LINGO2: variants seen among roughly 807,000 people sequenced by gnomAD.
The protein encoded by LINGO2 is leucine rich repeat and Ig domain containing 2, also known as leucine-rich repeat and immunoglobulin-like domain-containing nogo receptor-interacting protein 2.
In LINGO2, 14 loss-of-function variants were observed where a neutral mutation model predicts 30.6. The observed-to-expected ratio is 0.46, with a 90% CI of 0.30 to 0.72. The LOEUF (loss-of-function observed/expected upper bound fraction) is 0.72, where lower values mean the gene tolerates loss of function less well. Among genes scored for constraint, LINGO2 ranks in the 30% least tolerant of loss-of-function variants. The probability of loss-of-function intolerance (pLI) is 0.07; values close to 1 mark genes in which losing one functional copy is unlikely to be tolerated. For synonymous variants in LINGO2, 317 were observed against 288.5 expected, an observed-to-expected ratio of 1.10 and a Z score of -1.00; for missense variants, 729 against 751.7, an observed-to-expected ratio of 0.97 and a Z score of 0.35.
intron 4 of LINGO2, among the ~76,000 whole-genome samples, chr9:28,190,582 T>C (rs1587182963): frequency 6.6e-6 from 1 of 152,188 alleles, no homozygotes; most frequent in Non-Finnish European, 1.5e-5. Flanking sequence ...AGGACAGTCA[T>C]CTATGAATCA....
At chr9:28,323,038 C>T (rs1477204297) in intron 3 of LINGO2, among the ~76,000 whole-genome samples, 1 of 152,106 alleles carries the variant, frequency 6.6e-6, no homozygotes, top group African/African-American at 2.4e-5. Flanking sequence ...GGGAGTTAAC[C>T]TGGAATCACA....
At chr9:28,590,638 C>A (rs1327559510) in intron 1 of LINGO2, among the ~76,000 whole-genome samples, 1 of 151,564 alleles carries the variant, frequency 6.6e-6, no homozygotes, top group Non-Finnish European at 1.5e-5. Flanking sequence ...GAATGGCGAT[C>A]ATTAAAAAGT....
Position 28,167,421 on chromosome 9 carries a change from C to T in LINGO2, c.-87+127787G>A, listed in dbSNP as rs1355836953. Among the ~76,000 whole-genome samples, 3 of 152,198 alleles carry T rather than the reference C, an allele frequency of 2.0e-5. No homozygotes were observed. In the South Asian group the frequency reaches 6.2e-4, roughly 31 times the overall value. On this transcript the variant is annotated intron_variant, in intron 4 of 5. Transcript: ENST00000379992. ...TTTGAGACAGAGTCTCCCTCTGTTG[C>T]CCCAGCTATAGTGCAGTGGCACGAT...
At chr9:28,660,093 G>C (rs1168970065) in intron 1 of LINGO2, among the ~76,000 whole-genome samples, 1 of 151,944 alleles carries the variant, frequency 6.6e-6, no homozygotes, top group African/African-American at 2.4e-5. Flanking sequence ...AAACTGTAAT[G>C]GAACAAAAAT....
chr9:28,618,436 G>GA (rs1227360898), intron 1 of LINGO2, among the ~76,000 whole-genome samples: 1 of 151,916 alleles, frequency 6.6e-6, no homozygotes, highest in Non-Finnish European at 1.5e-5. Context: ...ATTATTTCAA[G>GA]AACTTCCTAA....
At chr9:29,096,389 G>A in the LINGO2 span, among the ~76,000 whole-genome samples, 385 of 139,812 alleles carry the variant, frequency 2.8e-3, 61 homozygotes, top group African/African-American at 2.6e-3. Flanking sequence ...GGGCTCAAGC[G>A]ATTCTCATGC....
the LINGO2 span, among the ~76,000 whole-genome samples, chr9:29,086,174 T>C: frequency 6.6e-6 from 1 of 152,146 alleles, no homozygotes; most frequent in African/African-American, 2.4e-5. Flanking sequence ...GACTCTGAAG[T>C]TCCATGGTTA....
At chr9:28,751,184 T>C in the LINGO2 span, among the ~76,000 whole-genome samples, 5 of 148,018 alleles carry the variant, frequency 3.4e-5, no homozygotes, top group Non-Finnish European at 7.4e-5. Context: ...CCAGCTAGTC[T>C]GGAGGCTGAG....
chr9:29,110,606 T>C, the LINGO2 span, among the ~76,000 whole-genome samples: 1 of 151,716 alleles, frequency 6.6e-6, no homozygotes, highest in Admixed American at 6.6e-5. Context: ...AGTGCTGGGA[T>C]TACAGGCATG....
chr9:28,816,162 A>C, the LINGO2 span, among the ~76,000 whole-genome samples: 3 of 152,210 alleles, frequency 2.0e-5, no homozygotes, highest in Non-Finnish European at 4.4e-5. Context: ...CATAAGGGTG[A>C]AGCCCTCATG....
intron 1 of LINGO2, among the ~76,000 whole-genome samples, chr9:28,497,478 TG>T (rs1241694158): frequency 6.6e-6 from 1 of 152,196 alleles, no homozygotes; most frequent in Non-Finnish European, 1.5e-5. Flanking sequence ...GCATTCGTCA[TG>T]TAGTTCTTGT....
intron 4 of LINGO2, among the ~76,000 whole-genome samples, chr9:28,025,095 T>G (rs1220817925): frequency 2.0e-4 from 30 of 152,126 alleles, no homozygotes; most frequent in South Asian, 4.1e-4. Flanking sequence ...ATAATAATCA[T>G]GTGTTGATTA....
At chr9:28,111,647 T>C (rs1826794703) in intron 4 of LINGO2, among the ~76,000 whole-genome samples, 4 of 152,134 alleles carry the variant, frequency 2.6e-5, no homozygotes, top group Admixed American at 2.6e-4. Context: ...GCAAGGATCT[T>C]AAAATCAGGA....
intron 3 of LINGO2, among the ~76,000 whole-genome samples, chr9:28,372,632 G>C (rs1479167354): frequency 1.3e-5 from 2 of 151,610 alleles, no homozygotes; most frequent in Middle Eastern, 3.4e-3. Context: ...ACTAATTATA[G>C]AGTATTTTAT....
chr9:28,926,237 C>A, the LINGO2 span, among the ~76,000 whole-genome samples: 6 of 152,130 alleles, frequency 3.9e-5, no homozygotes, highest in African/African-American at 1.4e-4. Flanking sequence ...TTGCTTGAAC[C>A]TGAGAGGCAG....
At chr9:28,552,133 T>A (rs1346141147) in intron 1 of LINGO2, among the ~76,000 whole-genome samples, 1 of 152,030 alleles carries the variant, frequency 6.6e-6, no homozygotes, top group Non-Finnish European at 1.5e-5. Context: ...CAAGAAATTA[T>A]AAATTTACCT....
chr9:28,106,204 T>C (rs1464474507), intron 4 of LINGO2, among the ~76,000 whole-genome samples: 1 of 152,068 alleles, frequency 6.6e-6, no homozygotes, highest in Non-Finnish European at 1.5e-5. Flanking sequence ...ATGAAATCAG[T>C]CCCTGGTGCC....
At chr9:28,043,212 C>A (rs1018656018) in intron 4 of LINGO2, among the ~76,000 whole-genome samples, 2 of 152,122 alleles carry the variant, frequency 1.3e-5, no homozygotes, top group Non-Finnish European at 2.9e-5. Context: ...TCCTGCCTGG[C>A]AGGGGAAACA....
At position 28,130,486 on chromosome 9, in the gene LINGO2, C is replaced by T. The variant is rs1827351545; in HGVS notation, c.-86-118081G>A. ...TTTTTGTGAATCTCTCACCATGTTA[C>T]CACTGACAGTCATTTAATCTCTGTT... is the stretch of plus-strand genomic sequence containing the variant. On this transcript the variant is annotated intron_variant, in intron 4 of 5. Coordinates refer to ENST00000379992, the Ensembl canonical transcript of LINGO2. The surrounding 1 kb of genome is among the most constrained non-coding windows in gnomAD (Gnocchi z 5.2). 6.6e-6 allele frequency among the ~76,000 whole-genome samples: 1 copy of T among 152,130 alleles called. No individual in the cohort carries two copies. Among genetic ancestry groups the T allele is most frequent in the Non-Finnish European group, 1.5e-5 (1 of 68,016 alleles).
Sources: allele counts gnomAD v4.1 joint callset (sites outside exome capture counted in the v4.1 genomes callset), GRCh38; gene constraint gnomAD v4.1.1; non-coding constraint Gnocchi (gnomAD v3.1); transcripts MANE v1.5; gene names NCBI Gene and HGNC (gene_info 2026-07-23, HGNC 2026-07-21).